The following ARL15 variants were observed in gnomAD, a reference collection of about 807,000 sequenced individuals.
ARL15 encodes the protein ADP-ribosylation factor-like protein 15.
ARL15 carries 19 observed loss-of-function variants against 25.2 expected under a neutral mutation model. That is an observed-to-expected ratio of 0.75 (90% CI 0.53 to 1.10). The LOEUF is 1.10. ARL15 is among the 50% of genes least tolerant of loss of function. ARL15 has a pLI of 0.00. For synonymous variants in ARL15, 94 were observed against 86.8 expected, an observed-to-expected ratio of 1.08 and a Z score of -0.46; for missense variants, 220 against 246.0, an observed-to-expected ratio of 0.89 and a Z score of 0.71.
At chr5:54,293,086 G>A (rs1758375669) in intron 1 of ARL15, among the ~76,000 whole-genome samples, 1 of 152,152 alleles carries the variant, frequency 6.6e-6, no homozygotes, top group African/African-American at 2.4e-5. Flanking sequence ...GGGGTGGGGG[G>A]AAAGATCAAG....
chr5:54,246,807 C>T (rs756419449), intron 1 of ARL15, among the ~76,000 whole-genome samples: 13 of 52,894 alleles, frequency 2.5e-4, no homozygotes, highest in Middle Eastern at 9.6e-3. Context: ...TACACACACA[C>T]ACACACACAC....
chr5:54,100,135 A>G (rs1033314772), intron 4 of ARL15, among the ~76,000 whole-genome samples: 42 of 152,256 alleles, frequency 2.8e-4, no homozygotes, highest in Non-Finnish European at 3.4e-4. Context: ...TATAAAGAAA[A>G]CACCAGAACA....
intron 4 of ARL15, among the ~76,000 whole-genome samples, chr5:54,071,801 C>G (rs906647594): frequency 6.6e-6 from 1 of 151,780 alleles, no homozygotes; most frequent in South Asian, 2.1e-4. Context: ...GAAACCCCGT[C>G]TCTACTAAAA....
rs563525130 is a variant in ARL15, at chr5:53,977,317, T to A, written c.463-90604A>T. ...CTTGCGTGAGCCGAGATCGCGCCAC[T>A]GCACTCCAGCCTGAGCAACAGAGTG... On this transcript the variant is annotated intron_variant, in intron 4 of 4. Transcript: ENST00000504924. 6.4e-5 allele frequency among the ~76,000 whole-genome samples: 9 copies of A among 141,056 alleles called. No homozygotes were observed. In the South Asian group the frequency reaches 2.0e-3, roughly 31 times the overall value. 92.5% of individuals were successfully genotyped at this position (141,056 alleles called of 152,430 possible). A position where few individuals can be genotyped will look rare whatever the true frequency, so the allele number is the denominator to read the frequency against.
intron 2 of ARL15, among the ~76,000 whole-genome samples, chr5:54,160,142 G>T (rs1467001312): frequency 6.6e-6 from 1 of 152,192 alleles, no homozygotes; most frequent in Non-Finnish European, 1.5e-5. Flanking sequence ...CAGCAGTTTT[G>T]TGATGTTTGG....
chr5:54,163,369 T>G (rs1754473103), intron 2 of ARL15, among the ~76,000 whole-genome samples: 3 of 77,418 alleles, frequency 3.9e-5, no homozygotes, highest in African/African-American at 7.2e-5. Context: ...TTTTTTTTTT[T>G]TTTTTTTTTT....
At chr5:54,259,803 C>T (rs768009360) in intron 1 of ARL15, among the ~76,000 whole-genome samples, 4 of 152,194 alleles carry the variant, frequency 2.6e-5, no homozygotes, top group Non-Finnish European at 4.4e-5. Flanking sequence ...AAAATTATAA[C>T]ATTGCTTTAC....
At position 54,221,850 on chromosome 5, in the gene ARL15, C is replaced by G. The variant is rs1267170939; in HGVS notation, c.49-49922G>C. Among the ~76,000 whole-genome samples, 12 of 151,792 alleles carry G rather than the reference C, an allele frequency of 7.9e-5. No homozygotes were observed. The East Asian group carries it at 2.3e-3, about 29-fold the overall frequency. On this transcript the variant is annotated intron_variant, in intron 1 of 4. Transcript: ENST00000504924. ...GCACACACACACACACACACACACA[C>G]ACACACACACACACACACACAAAAC...
chr5:54,236,411 C>G (rs1338795657), intron 1 of ARL15, among the ~76,000 whole-genome samples: 1 of 78,802 alleles, frequency 1.3e-5, no homozygotes, highest in African/African-American at 6.0e-5. Context: ...AACACAGACA[C>G]ACACACACAC....
At chr5:53,930,023 A>C (rs1364335982) in intron 4 of ARL15, among the ~76,000 whole-genome samples, 1 of 152,198 alleles carries the variant, frequency 6.6e-6, no homozygotes, top group East Asian at 1.9e-4. Flanking sequence ...ATTTATAGGG[A>C]GTTTCATATT....
chr5:54,247,709 T>C (rs1369600420), intron 1 of ARL15, among the ~76,000 whole-genome samples: 1 of 151,882 alleles, frequency 6.6e-6, no homozygotes, highest in Non-Finnish European at 1.5e-5. Flanking sequence ...AACAGGTGAG[T>C]CTATGAGAGA....
intron 4 of ARL15, among the ~76,000 whole-genome samples, chr5:53,900,221 T>A (rs1745020691): frequency 6.6e-6 from 1 of 152,180 alleles, no homozygotes; most frequent in African/African-American, 2.4e-5. Flanking sequence ...CTCCGCAGGA[T>A]ACAAATGCTG....
chr5:54,046,703 T>G (rs1317852470), intron 4 of ARL15, among the ~76,000 whole-genome samples: 3 of 152,210 alleles, frequency 2.0e-5, no homozygotes, highest in Non-Finnish European at 4.4e-5. Context: ...ACAACTGCTG[T>G]AGAGCAATGG....
At chr5:54,133,757 C>A (rs1420286300) in intron 3 of ARL15, among the ~76,000 whole-genome samples, 1 of 152,020 alleles carries the variant, frequency 6.6e-6, no homozygotes, top group Non-Finnish European at 1.5e-5. Flanking sequence ...AGGATTTCAA[C>A]CTAACAATTG....
chr5:54,186,508 A>T (rs1047913374), intron 1 of ARL15, among the ~76,000 whole-genome samples: 3 of 152,224 alleles, frequency 2.0e-5, no homozygotes, highest in Non-Finnish European at 4.4e-5. Context: ...AAACTTCACG[A>T]GCAAAAGCTG....
chr5:54,100,043 C>T (rs1752392430), intron 4 of ARL15, among the ~76,000 whole-genome samples: 1 of 152,096 alleles, frequency 6.6e-6, no homozygotes, highest in Non-Finnish European at 1.5e-5. Flanking sequence ...TTGAGAAATG[C>T]TTGCATATAC....
chr5:53,988,074 G>T (rs1343100291), intron 4 of ARL15, among the ~76,000 whole-genome samples: 4 of 151,912 alleles, frequency 2.6e-5, no homozygotes, highest in African/African-American at 9.7e-5. Context: ...CTGCACTCCA[G>T]CCTGGGCGAC....
intron 4 of ARL15, among the ~76,000 whole-genome samples, chr5:53,906,884 A>G (rs192077274): frequency 6.6e-6 from 1 of 152,286 alleles, no homozygotes; most frequent in Admixed American, 6.5e-5. Flanking sequence ...TCCCCACACC[A>G]GTCCTTCCCA....
chr5:53,965,826 C>T (rs1351151058), intron 4 of ARL15, among the ~76,000 whole-genome samples: 2 of 152,028 alleles, frequency 1.3e-5, no homozygotes, highest in East Asian at 3.9e-4. Context: ...AGTAAATGGA[C>T]TGAGATACCA....
Sources: allele counts gnomAD v4.1 joint callset (sites outside exome capture counted in the v4.1 genomes callset), GRCh38; gene constraint gnomAD v4.1.1; transcripts MANE v1.5; gene names NCBI Gene and HGNC (gene_info 2026-07-23, HGNC 2026-07-21).